Variants in DIAPH2 observed in about 807,000 individuals in gnomAD.
DIAPH2 encodes protein diaphanous homolog 2.
In DIAPH2, 35 loss-of-function variants were observed where a neutral mutation model predicts 92.7. The ratio of observed to expected loss-of-function variants is 0.38; its 90% CI spans 0.29 to 0.50. The LOEUF (loss-of-function observed/expected upper bound fraction) is 0.50. Ranked by LOEUF, DIAPH2 falls within the 20% of genes least tolerant of loss-of-function variation. The probability of loss-of-function intolerance (pLI) is 0.94; values close to 1 mark genes in which losing one functional copy is unlikely to be tolerated. For missense variants in DIAPH2, 701 were observed against 819.5 expected (o/e 0.86, Z 1.77); for synonymous variants, 301 against 280.4 (o/e 1.07, Z -0.73).
chrX:97,598,401 T>C (rs982101801), intron 26 of DIAPH2, among the ~76,000 whole-genome samples: 6 of 111,812 alleles, frequency 5.4e-5, no homozygotes, highest in African/African-American at 2.0e-4. Context: ...TGCTGGTGGT[T>C]GTCATTATTT....
chrX:97,293,419 AT>A (rs1181539252), intron 23 of DIAPH2, among the ~76,000 whole-genome samples: 1 of 108,549 alleles, frequency 9.2e-6, no homozygotes, highest in African/African-American at 3.3e-5. Flanking sequence ...GGCCCAGCTA[AT>A]TTTTGTATTT....
intron 24 of DIAPH2, among the ~76,000 whole-genome samples, chrX:97,373,253 TAGAA>T (rs1184597132): frequency 9.0e-6 from 1 of 110,709 alleles, no homozygotes; most frequent in Non-Finnish European, 1.9e-5. Context: ...TATAGATGAT[TAGAA>T]AGAAACTTAC....
intron 4 of DIAPH2, among the ~76,000 whole-genome samples, chrX:96,854,615 ATATATATAT>A (rs2065027123): frequency 1.5e-5 from 1 of 67,978 alleles, no homozygotes. Context: ...ATATATATAT[ATATATATAT>A]ATATATATAT....
intron 17 of DIAPH2, among the ~76,000 whole-genome samples, chrX:97,070,475 T>G (rs2066662064): frequency 8.9e-6 from 1 of 111,974 alleles, no homozygotes; most frequent in Non-Finnish European, 1.9e-5. Flanking sequence ...TATGATGTGT[T>G]GAACACTATA....
chrX:97,330,433 C>A (rs906228780), intron 23 of DIAPH2, among the ~76,000 whole-genome samples: 5 of 110,749 alleles, frequency 4.5e-5, no homozygotes, highest in Non-Finnish European at 7.5e-5. Flanking sequence ...AGTATTTGTC[C>A]TGTGACTGAC....
chrX:96,898,359 C>T (rs2065363208), intron 5 of DIAPH2, among the ~76,000 whole-genome samples: 1 of 100,936 alleles, frequency 9.9e-6, no homozygotes, highest in Non-Finnish European at 2.0e-5. Flanking sequence ...AAAAGTGTTC[C>T]TATTTCTCCA....
At chrX:96,960,000 T>C (rs1324128443) in intron 16 of DIAPH2, among the ~76,000 whole-genome samples, 1 of 111,688 alleles carries the variant, frequency 9.0e-6, no homozygotes, top group African/African-American at 3.3e-5. Flanking sequence ...ATTAGTACCA[T>C]GCTGTTTTGA....
At chrX:96,748,532 A>G (rs1000214917) in intron 3 of DIAPH2, among the ~76,000 whole-genome samples, 2 of 111,962 alleles carry the variant, frequency 1.8e-5, no homozygotes, top group African/African-American at 6.5e-5. Context: ...AAATTTGAAC[A>G]GTTTAGTTCA....
At chrX:97,365,982 C>T (rs888127904) in intron 24 of DIAPH2, among the ~76,000 whole-genome samples, 3 of 111,575 alleles carry the variant, frequency 2.7e-5, no homozygotes, top group Non-Finnish European at 5.6e-5. Flanking sequence ...TGAGCCATCG[C>T]ACCCGGTGCT....
In DIAPH2 at chrX:97,371,112, G is replaced by C. The variant is rs140433909; in HGVS notation, c.3010-12797G>C. On this transcript the variant is annotated intron_variant, in intron 24 of 26. Transcript: ENST00000324765. ...TTTTTTGGGGAGGCAGGTGAGGATGGAGAAGTCTATAATTTAAAAATAATA... is the reference window on the plus strand; with the variant it reads ...TTTTTTGGGGAGGCAGGTGAGGATGCAGAAGTCTATAATTTAAAAATAATA... Among the ~76,000 whole-genome samples the C allele has an allele frequency of 3.5e-3, 388 of 111,867 alleles. 1 individual carries two copies. Among genetic ancestry groups the C allele is most frequent in the African/African-American group, 0.012 (373 of 30,825 alleles).
chrX:97,364,959 TG>T (rs1460782288), intron 24 of DIAPH2, among the ~76,000 whole-genome samples: 1 of 110,813 alleles, frequency 9.0e-6, no homozygotes, highest in African/African-American at 3.3e-5. Flanking sequence ...TAACTAGATT[TG>T]CCATAACTAC....
intron 9 of DIAPH2, among the ~76,000 whole-genome samples, chrX:96,921,798 T>G (rs989604081): frequency 2.7e-5 from 3 of 109,106 alleles, no homozygotes. Flanking sequence ...TTAGTATCAT[T>G]TTATGTACAT....
intron 4 of DIAPH2, among the ~76,000 whole-genome samples, chrX:96,845,239 G>C (rs1204217680): frequency 9.0e-6 from 1 of 111,305 alleles, no homozygotes; most frequent in Non-Finnish European, 1.9e-5. Flanking sequence ...TTCTTTATAA[G>C]TGGCATATTG....
intron 19 of DIAPH2, among the ~76,000 whole-genome samples, chrX:97,078,577 A>G (rs1168182376): frequency 8.9e-6 from 1 of 111,918 alleles, no homozygotes; most frequent in Admixed American, 9.5e-5. Context: ...TGTTACAGTC[A>G]TTAATGCTTC....
chrX:97,059,756 T>C (rs1199966168), intron 17 of DIAPH2, among the ~76,000 whole-genome samples: 1 of 111,889 alleles, frequency 8.9e-6, no homozygotes, highest in Admixed American at 9.5e-5. Context: ...AAAGTCTTCA[T>C]TCTTGTCATC....
At chrX:97,022,357 A>T (rs914882586) in intron 17 of DIAPH2, among the ~76,000 whole-genome samples, 3 of 112,098 alleles carry the variant, frequency 2.7e-5, no homozygotes, top group African/African-American at 9.7e-5. Flanking sequence ...TTTGTTTGGA[A>T]GATGGCGTGG....
chrX:97,213,155 G>T (rs923889974), intron 22 of DIAPH2, among the ~76,000 whole-genome samples: 19 of 111,385 alleles, frequency 1.7e-4, no homozygotes, highest in African/African-American at 5.9e-4. Flanking sequence ...ACTTGTTTTT[G>T]TTGTTTGAGT....
chrX:97,344,969 C>T (rs753160559), intron 23 of DIAPH2, among the ~76,000 whole-genome samples: 1 of 111,833 alleles, frequency 8.9e-6, no homozygotes, highest in East Asian at 2.8e-4. Context: ...CCTAGCGAGT[C>T]CCTGGAATGA....
At chrX:97,161,412 T>C (rs2067372262) in intron 22 of DIAPH2, among the ~76,000 whole-genome samples, 1 of 111,199 alleles carries the variant, frequency 9.0e-6, no homozygotes, top group Non-Finnish European at 1.9e-5. Context: ...GTTTTTTGTT[T>C]TTTTTTCTTG....
Sources: allele counts gnomAD v4.1 joint callset (sites outside exome capture counted in the v4.1 genomes callset), GRCh38; gene constraint gnomAD v4.1.1; transcripts MANE v1.5; gene names NCBI Gene and HGNC (gene_info 2026-07-23, HGNC 2026-07-21).